Variants in FADS1 observed in about 807,000 individuals in gnomAD.
The protein encoded by FADS1 is fatty acid desaturase 1, also known as acyl-CoA (8-3)-desaturase.
In FADS1, 17 loss-of-function variants were observed where a neutral mutation model predicts 61.6. The ratio of observed to expected loss-of-function variants is 0.28; its 90% CI spans 0.19 to 0.41. The LOEUF is 0.41. Among genes scored for constraint, FADS1 ranks in the 10% least tolerant of loss-of-function variants. FADS1 has a pLI of 1.00. For synonymous variants in FADS1, 238 were observed against 258.7 expected, an observed-to-expected ratio of 0.92 and a Z score of 0.77; for missense variants, 387 against 650.9, an observed-to-expected ratio of 0.59 and a Z score of 4.41.
At chr11:61,813,886 A>C (rs1167999532) in intron 1 of FADS1, among the ~76,000 whole-genome samples, 6 of 125,012 alleles carry the variant, frequency 4.8e-5, no homozygotes, top group South Asian at 2.5e-4. Flanking sequence ...AATGGCGTGA[A>C]CCCCGGGGGA....
Position 61,806,563 on chromosome 11 carries a change from C to T in FADS1, c.976+101G>A, listed in dbSNP as rs551064691. On this transcript the variant is annotated intron_variant, in intron 6 of 11. Coordinates refer to ENST00000350997, the MANE Select transcript of FADS1 (RefSeq NM_013402.7). ...GGGAGTGGGGTACTTCCTCTAGCCC[C>T]TTTCCTTAAAATACCATAATCCCTT... is the stretch of plus-strand genomic sequence containing the variant. The T allele has an allele frequency of 3.6e-6, 4 of 1,106,906 alleles. No individual in the cohort carries two copies. The East Asian group carries it at 7.1e-5, about 20-fold the overall frequency. The allele number at this position is 1,106,906 out of a possible 1,614,324, so 68.6% of individuals were successfully genotyped here. A position where few individuals can be genotyped will look rare whatever the true frequency, so the allele number is the denominator to read the frequency against.
rs935071619 is a variant in FADS1 at position 61,816,518 on chromosome 11, C to G, written c.375+37G>C. 6.3e-7 allele frequency: 1 copy of G among 1,596,622 alleles called. No homozygotes were observed. The highest frequency in any genetic ancestry group is 1.7e-5 in the Admixed American group (1 of 57,472). ...GTCTCCCCTGCACTCAGCCTCCGGT[C>G]CCGCCCTCTCCTGTGCCCCCGCCTG... On this transcript the variant is annotated intron_variant, in intron 1 of 11. Transcript: ENST00000350997. This position sits in a 1 kb window ranked among gnomAD's most constrained non-coding sequence, Gnocchi z 7.0.
At chr11:61,804,621 C>G in intron 7 of FADS1, 64 bp downstream of exon 7, 1 of 1,382,880 alleles carries the variant, frequency 7.2e-7, no homozygotes, top group Non-Finnish European at 1.0e-6. Flanking sequence ...CCCTGGGGAA[C>G]CCCTATCCCC....
Position 61,816,210 on chromosome 11 carries a change from C to T in FADS1, c.375+345G>A. 1 of 1,562,846 alleles carries T rather than the reference C, an allele frequency of 6.4e-7. No homozygotes were observed. Among genetic ancestry groups the T allele is most frequent in the South Asian group, 1.1e-5 (1 of 86,976 alleles). ...CCTCCCCAGGCGGCCTGCATCCTTG[C>T]TCTCCTCCCTCCTAGCCTACCCAGC... is the stretch of plus-strand genomic sequence containing the variant. On this transcript the variant is annotated intron_variant, in intron 1 of 11. Transcript: ENST00000350997. This position sits in a 1 kb window ranked among gnomAD's most constrained non-coding sequence, Gnocchi z 7.0.
intron 6 of FADS1, chr11:61,806,387 A>C: frequency 2.1e-6 from 1 of 468,666 alleles, no homozygotes; most frequent in Non-Finnish European, 3.9e-6. Flanking sequence ...GGATAAAGCA[A>C]GAGGCCCCTC....
At position 61,804,540 on chromosome 11, in the gene FADS1, G is replaced by A. The variant is rs2066880675; in HGVS notation, c.1053+145C>T. 1.1e-5 allele frequency: 7 copies of A among 663,314 alleles called. No homozygotes were observed. The South Asian group carries it at 1.4e-4, about 13-fold the overall frequency. 41.1% of individuals were successfully genotyped at this position (663,314 alleles called of 1,614,324 possible). A position where few individuals can be genotyped will look rare whatever the true frequency, so the allele number is the denominator to read the frequency against. On this transcript the variant is annotated intron_variant, in intron 7 of 11. Coordinates refer to ENST00000350997, the MANE Select transcript of FADS1 (RefSeq NM_013402.7). Reference sequence around the variant, plus strand: ...AGCTCAAATCATTTCGTCCCACTTAGAGATAAGGAGGATCTGTGTCTGGTT... The same window carrying A: ...AGCTCAAATCATTTCGTCCCACTTAAAGATAAGGAGGATCTGTGTCTGGTT...
Position 61,803,780 on chromosome 11 carries a change from A to G in FADS1, c.1054-13T>C. On this transcript the variant is annotated splice_polypyrimidine_tract_variant and intron_variant, in intron 7 of 11. Transcript: ENST00000350997. This position sits in a 1 kb window ranked among gnomAD's most constrained non-coding sequence, Gnocchi z 4.3. ...TCCAGGCCAAGTCCTATAGTGAGAA[A>G]AGCAGCGAGCATAACAGTCACGAAC... The G allele has an allele frequency of 6.3e-7, 1 of 1,597,754 alleles. No homozygotes were observed. Among genetic ancestry groups the G allele is most frequent in the South Asian group, 1.1e-5 (1 of 90,708 alleles).
Position 61,813,993 on chromosome 11 carries a change from C to T in FADS1, c.376-640G>A, listed in dbSNP as rs1300501884. 6.6e-5 allele frequency: 10 copies of T among 151,426 alleles called. 1 individual carries two copies. Among genetic ancestry groups the T allele is most frequent in the South Asian group, 6.2e-4 (3 of 4,830 alleles). The allele number at this position is 151,426 out of a possible 1,614,324, so 9.4% of individuals were successfully genotyped here. On this transcript the variant is annotated intron_variant, in intron 1 of 11. Transcript: ENST00000350997. ...AAAAAAAAAAAAAAAAAAAAGGCTGCTCCCCCTCACACCCCCCAACGTCCA... is the reference window on the plus strand; with the variant it reads ...AAAAAAAAAAAAAAAAAAAAGGCTGTTCCCCCTCACACCCCCCAACGTCCA...
chr11:61,812,408 C>G lies in FADS1; in HGVS notation c.684+63G>C, dbSNP rs2066937240. ...GGCACTCTTGGCCTTCCTCAAACAC[C>G]CAAGGAGCTTTCCCCAGGGATGCTG... On this transcript the variant is annotated intron_variant, in intron 3 of 11. Coordinates refer to ENST00000350997, the MANE Select transcript of FADS1 (RefSeq NM_013402.7). 5 of 1,533,412 alleles carry G rather than the reference C, an allele frequency of 3.3e-6. No individual in the cohort carries two copies. The East Asian group carries it at 1.1e-4, about 35-fold the overall frequency. The allele number at this position is 1,533,412 out of a possible 1,614,324, so 95.0% of individuals were successfully genotyped here.
intron 2 of FADS1, 144 bp downstream of exon 2, chr11:61,813,099 A>C (rs988545595): frequency 2.8e-6 from 2 of 709,456 alleles, no homozygotes; most frequent in Middle Eastern, 2.4e-4. Flanking sequence ...ATGACTATGC[A>C]AGAGAAGCAG....
rs1591149149 is a variant in FADS1 at position 61,802,655 on chromosome 11, A to G, written c.1454+146T>C. On this transcript the variant is annotated intron_variant, in intron 11 of 11. Transcript: ENST00000350997. This position sits in a 1 kb window ranked among gnomAD's most constrained non-coding sequence, Gnocchi z 4.2. The stretch of plus-strand genomic sequence containing the variant: ...AAGGCCTGACCTGGCCACAGGTCCA[A>G]TAAAGAATCCTGCCTTTGCCATGGT... 5.3e-6 allele frequency: 7 copies of G among 1,317,828 alleles called. No individual in the cohort carries two copies. The highest frequency in any genetic ancestry group is 1.9e-5 in the Admixed American group (1 of 51,744). The allele number at this position is 1,317,828 out of a possible 1,614,324, so 81.6% of individuals were successfully genotyped here. A position where few individuals can be genotyped will look rare whatever the true frequency, so the allele number is the denominator to read the frequency against.
intron 3 of FADS1, among the ~76,000 whole-genome samples, 173 bp from the exon 4 acceptor site, chr11:61,811,248 G>C (rs997157504): frequency 1.3e-5 from 2 of 152,194 alleles, no homozygotes; most frequent in African/African-American, 4.8e-5. Context: ...ACTCACACGT[G>C]AGTTGGGGCA....
chr11:61,813,437 C>G, intron 1 of FADS1, 84 bp from the exon 2 acceptor site: 1 of 779,022 alleles, frequency 1.3e-6, no homozygotes, highest in Non-Finnish European at 2.2e-6. Context: ...CATCCTCCTG[C>G]CCGCCAGAAG....
At chr11:61,806,370 A>C in intron 6 of FADS1, 1 of 346,758 alleles carries the variant, frequency 2.9e-6, no homozygotes. Context: ...AAAAAAGATA[A>C]GGTTGAGGAT....
chr11:61,803,588 G>T lies in FADS1; in HGVS notation c.1151+82C>A. ...CCTGAAACACCCACTGTTACCCAAA[G>T]CCCCAGCACGGCCCCTAGACCAGAC... is the stretch of plus-strand genomic sequence containing the variant. On this transcript the variant is annotated intron_variant, in intron 8 of 11. Coordinates refer to ENST00000350997, the MANE Select transcript of FADS1 (RefSeq NM_013402.7). This position sits in a 1 kb window ranked among gnomAD's most constrained non-coding sequence, Gnocchi z 4.3. 1.4e-6 allele frequency: 2 copies of T among 1,380,794 alleles called. No homozygotes were observed. Among genetic ancestry groups the T allele is most frequent in the Non-Finnish European group, 2.1e-6 (2 of 968,068 alleles). The allele number at this position is 1,380,794 out of a possible 1,614,324, so 85.5% of individuals were successfully genotyped here.
chr11:61,816,251 C>G lies in FADS1; in HGVS notation c.375+304G>C. On this transcript the variant is annotated intron_variant, in intron 1 of 11. Coordinates refer to ENST00000350997, the MANE Select transcript of FADS1 (RefSeq NM_013402.7). This position sits in a 1 kb window ranked among gnomAD's most constrained non-coding sequence, Gnocchi z 7.0. ...CCTACCCAGCTCGGGGTTCTGTCCC[C>G]GCCCAGAGACCTGAGGCTCGGGGCT... 1.3e-6 allele frequency: 2 copies of G among 1,597,180 alleles called. No homozygotes were observed. Among genetic ancestry groups the G allele is most frequent in the Middle Eastern group, 1.7e-4 (1 of 6,052 alleles).
chr11:61,806,787 C>T, intron 5 of FADS1, 63 bp from the exon 6 acceptor site: 1 of 1,505,152 alleles, frequency 6.6e-7, no homozygotes, highest in African/African-American at 1.4e-5. Flanking sequence ...TGTGACTTGA[C>T]CTTTCCTTGC....
At chr11:61,810,674 C>A in intron 5 of FADS1, 77 bp downstream of exon 5, 1 of 1,553,708 alleles carries the variant, frequency 6.4e-7, no homozygotes, top group South Asian at 1.2e-5. Context: ...CTGACAACAT[C>A]GTGGGCATCT....
chr11:61,811,359 A>G (rs1374428949), intron 3 of FADS1, among the ~76,000 whole-genome samples: 1 of 152,016 alleles, frequency 6.6e-6, no homozygotes, highest in Non-Finnish European at 1.5e-5. Context: ...CTGGAGTGCA[A>G]TGGTGCGGTT....
Sources: allele counts gnomAD v4.1 joint callset (sites outside exome capture counted in the v4.1 genomes callset), GRCh38; gene constraint gnomAD v4.1.1; non-coding constraint Gnocchi (gnomAD v3.1); transcripts MANE v1.5; gene names NCBI Gene and HGNC (gene_info 2026-07-23, HGNC 2026-07-21).